The following NSL1 variants were observed in gnomAD, a reference collection of about 807,000 sequenced individuals.
NSL1 encodes kinetochore-associated protein NSL1 homolog.
Under a neutral mutation model 25.4 loss-of-function variants are expected in NSL1, and 11 were observed. The ratio of observed to expected loss-of-function variants is 0.43; its 90% CI spans 0.27 to 0.72. NSL1 has a LOEUF of 0.72. NSL1 is among the 30% of genes least tolerant of loss of function. The pLI, the probability that NSL1 is intolerant of heterozygous loss-of-function variation, is 0.19. For missense variants in NSL1, 330 were observed against 342.7 expected (o/e 0.96, Z 0.29); for synonymous variants, 118 against 120.6 (o/e 0.98, Z 0.14).
In NSL1 at chr1:212,727,096, T is replaced by C; in HGVS notation, c.*11312A>G. 1 of 1,552,184 alleles carries C rather than the reference T, an allele frequency of 6.4e-7. No individual in the cohort carries two copies. Among genetic ancestry groups the C allele is most frequent in the Non-Finnish European group, 8.7e-7 (1 of 1,148,690 alleles). ...AGCTTCATCCTCTTCATCTTGCCAG[T>C]TCACCAGAGGCAGAAGGGATGAAGG... On this transcript the variant is annotated 3_prime_UTR_variant, in exon 6 of 6. Coordinates refer to ENST00000366977, the MANE Select transcript of NSL1 (RefSeq NM_015471.4).
In NSL1 at chr1:212,784,417, G is replaced by A; in HGVS notation, c.390C>T (p.Pro130=). 2 of 1,597,218 alleles carry A rather than the reference G, an allele frequency of 1.3e-6. No individual in the cohort carries two copies. The highest frequency in any genetic ancestry group is 8.6e-7 in the Non-Finnish European group (1 of 1,168,432). The change falls in exon 3 of 6, where the codon CCC becomes CCT. Residue 130 remains proline, a synonymous_variant. Coordinates refer to ENST00000366977, the MANE Select transcript of NSL1 (RefSeq NM_015471.4). ...TGATGACACATTCCAGGATCTTTCT[G>A]GGATACTGCTTACGTTTTGTGGCTA... is the stretch of plus-strand genomic sequence containing the variant. ...VDIATKRKQY[P]RKILECVIKT...
chr1:212,765,543 G>A (rs1047108347), intron 4 of NSL1, among the ~76,000 whole-genome samples: 1 of 152,170 alleles, frequency 6.6e-6, no homozygotes, highest in Non-Finnish European at 1.5e-5. Context: ...CATCTCTGCT[G>A]GGCAGAGTGG....
intron 4 of NSL1, among the ~76,000 whole-genome samples, chr1:212,744,181 A>T (rs1416929871): frequency 2.0e-5 from 3 of 152,220 alleles, no homozygotes; most frequent in Non-Finnish European, 4.4e-5. Context: ...CTGAGAGCTG[A>T]AGGCATATCC....
At chr1:212,739,493 A>G in intron 5 of NSL1, 41 bp downstream of exon 5, 2 of 1,590,708 alleles carry the variant, frequency 1.3e-6, no homozygotes, top group Non-Finnish European at 8.6e-7. Flanking sequence ...CTAGCCATAC[A>G]TTTTGTTCAT....
At chr1:212,739,764 A>G (rs923580403) in intron 4 of NSL1, among the ~76,000 whole-genome samples, 163 bp from the exon 5 acceptor site, 1 of 152,236 alleles carries the variant, frequency 6.6e-6, no homozygotes, top group Non-Finnish European at 1.5e-5. Context: ...CATTATAATA[A>G]TAGAGTAAAA....
At chr1:212,751,511 A>AGGG (rs1659065324) in intron 4 of NSL1, among the ~76,000 whole-genome samples, 1 of 152,258 alleles carries the variant, frequency 6.6e-6, no homozygotes, top group Non-Finnish European at 1.5e-5. Flanking sequence ...ATATAAGTTA[A>AGGG]CTAATGGTAA....
At position 212,787,696 on chromosome 1, in the gene NSL1, C is replaced by T. The variant is rs145754647; in HGVS notation, c.235-59G>A. On this transcript the variant is annotated intron_variant, in intron 1 of 5. Transcript: ENST00000366977. Reference sequence around the variant, plus strand: ...AATAATTTTAAATACTAAATTCAAACGTTTTAGCAAAATAATACTTCCAGA... The same window carrying T: ...AATAATTTTAAATACTAAATTCAAATGTTTTAGCAAAATAATACTTCCAGA... 1.9e-5 allele frequency: 22 copies of T among 1,175,276 alleles called. No individual in the cohort carries two copies. The East Asian group carries it at 3.0e-4, about 16-fold the overall frequency. 72.8% of individuals were successfully genotyped at this position (1,175,276 alleles called of 1,614,324 possible).
chr1:212,783,376 T>C (rs1660807187), intron 3 of NSL1, among the ~76,000 whole-genome samples: 1 of 151,034 alleles, frequency 6.6e-6, no homozygotes, highest in Non-Finnish European at 1.5e-5. Flanking sequence ...AACTTTCAAG[T>C]GGGAGGGGTG....
chr1:212,758,865 T>C (rs4639827), intron 4 of NSL1, among the ~76,000 whole-genome samples: 100,223 of 152,056 alleles, frequency 0.66, 33,413 homozygotes, highest in Non-Finnish European at 0.69. Flanking sequence ...GGAAGACTCA[T>C]ACTTTCTGAT....
chr1:212,756,688 C>T (rs776342440), intron 4 of NSL1, among the ~76,000 whole-genome samples: 10 of 151,970 alleles, frequency 6.6e-5, no homozygotes, highest in Non-Finnish European at 1.0e-4. Context: ...GGTGTGATGG[C>T]GGGTGCCTGT....
In NSL1 at chr1:212,731,077, T is replaced by C. The variant is rs1227203432; in HGVS notation, c.*7331A>G. Reference sequence around the variant, plus strand: ...TATAACATTAATTTTCTCAAATCCTTTCATATAAAATCCCCAAGAACCCCC... The same window carrying C: ...TATAACATTAATTTTCTCAAATCCTCTCATATAAAATCCCCAAGAACCCCC... On this transcript the variant is annotated 3_prime_UTR_variant, in exon 6 of 6. Transcript: ENST00000366977. The C allele has an allele frequency of 5.1e-6, 5 of 985,014 alleles. No individual in the cohort carries two copies. The East Asian group carries it at 3.4e-4, about 67-fold the overall frequency. 61.0% of individuals were successfully genotyped at this position (985,014 alleles called of 1,614,324 possible).
In NSL1 at chr1:212,733,359, G is replaced by C. The variant is rs1190785258; in HGVS notation, c.*5049C>G. Among the ~76,000 whole-genome samples, 1 of 151,836 alleles carries C rather than the reference G, an allele frequency of 6.6e-6. No homozygotes were observed. The highest frequency in any genetic ancestry group is 1.5e-5 in the Non-Finnish European group (1 of 67,982). ...AGGTGGGAGGATGGCTTGAGTTGCG[G>C]GGGCAGAGGTTGCAGTAAGCCAAGA... is the stretch of plus-strand genomic sequence containing the variant. On this transcript the variant is annotated 3_prime_UTR_variant, in exon 6 of 6. Transcript: ENST00000366977.
At chr1:212,743,532 T>G (rs74138632) in intron 4 of NSL1, among the ~76,000 whole-genome samples, 3,728 of 151,810 alleles carry the variant, frequency 0.025, 130 homozygotes, top group African/African-American at 0.082. Context: ...CCATGTATAC[T>G]CCAAATATAC....
chr1:212,780,213 T>C (rs991400272), intron 4 of NSL1, among the ~76,000 whole-genome samples: 2 of 151,886 alleles, frequency 1.3e-5, no homozygotes, highest in African/African-American at 2.4e-5. Context: ...CCCCCAACCC[T>C]GTGCTCTCTG....
At chr1:212,743,091 G>C (rs1242300027) in intron 4 of NSL1, among the ~76,000 whole-genome samples, 1 of 152,174 alleles carries the variant, frequency 6.6e-6, no homozygotes, top group Admixed American at 6.5e-5. Context: ...AAACAGGTAT[G>C]AAAGTCTCAA....
intron 4 of NSL1, among the ~76,000 whole-genome samples, chr1:212,757,452 G>C (rs771298773): frequency 2.6e-5 from 4 of 152,180 alleles, no homozygotes; most frequent in Non-Finnish European, 5.9e-5. Context: ...GTAAGACTGG[G>C]TAATTTATAA....
chr1:212,790,941 A>T (rs1363102789), intron 1 of NSL1, among the ~76,000 whole-genome samples: 2 of 151,612 alleles, frequency 1.3e-5, no homozygotes, highest in African/African-American at 2.4e-5. Context: ...AAAATAAAAT[A>T]AAATAAATAA....
rs553018981 is a variant in NSL1 at position 212,729,458 on chromosome 1, T to C, written c.*8950A>G. 290 of 985,296 alleles carry C rather than the reference T, an allele frequency of 2.9e-4. No individual in the cohort carries two copies. Among genetic ancestry groups the C allele is most frequent in the Non-Finnish European group, 3.4e-4 (280 of 829,940 alleles). The allele number at this position is 985,296 out of a possible 1,614,324, so 61.0% of individuals were successfully genotyped here. A position where few individuals can be genotyped will look rare whatever the true frequency, so the allele number is the denominator to read the frequency against. On this transcript the variant is annotated 3_prime_UTR_variant, in exon 6 of 6. Transcript: ENST00000366977. ...GGCTACGAAAAATCATTTTACAATA[T>C]TGTCTGGCACATGGCTGGGAAAGAT...
chr1:212,754,575 G>C (rs1007281862), intron 4 of NSL1, among the ~76,000 whole-genome samples: 2 of 151,810 alleles, frequency 1.3e-5, no homozygotes, highest in Non-Finnish European at 2.9e-5. Flanking sequence ...TCAGGAGTTG[G>C]AGACTAGCCT....
Sources: allele counts gnomAD v4.1 joint callset (sites outside exome capture counted in the v4.1 genomes callset), GRCh38; gene constraint gnomAD v4.1.1; transcripts MANE v1.5; gene names NCBI Gene and HGNC (gene_info 2026-07-23, HGNC 2026-07-21).